ITGA9: variants seen among roughly 807,000 people sequenced by gnomAD.
The protein encoded by ITGA9 is integrin subunit alpha 9.
Under a neutral mutation model 127.8 loss-of-function variants are expected in ITGA9, and 56 were observed. The observed-to-expected ratio is 0.44, with a 90% CI of 0.35 to 0.55. ITGA9 has a LOEUF of 0.55. ITGA9 is among the 20% of genes least tolerant of loss of function. The pLI is 0.00. For missense variants in ITGA9, 1,196 were observed against 1,347.1 expected (o/e 0.89, Z 1.76); for synonymous variants, 508 against 514.5 (o/e 0.99, Z 0.17).
intron 15 of ITGA9, among the ~76,000 whole-genome samples, chr3:37,582,012 G>T (rs1477281637): frequency 1.3e-5 from 2 of 152,110 alleles, no homozygotes; most frequent in Non-Finnish European, 2.9e-5. Flanking sequence ...AATCAGTTTG[G>T]TGGCAAAATC....
intron 12 of ITGA9, among the ~76,000 whole-genome samples, chr3:37,524,170 G>A (rs1699071223): frequency 6.6e-6 from 1 of 152,190 alleles, no homozygotes; most frequent in African/African-American, 2.4e-5. Context: ...AAAGATACAT[G>A]ATTTCAAACC....
chr3:37,490,775 C>T (rs1698661733), intron 4 of ITGA9, among the ~76,000 whole-genome samples: 1 of 152,074 alleles, frequency 6.6e-6, no homozygotes, highest in Admixed American at 6.6e-5. Context: ...AAACCAGCAG[C>T]TAAACCAAGG....
intron 16 of ITGA9, among the ~76,000 whole-genome samples, chr3:37,652,406 C>T (rs992330023): frequency 2.6e-5 from 4 of 152,202 alleles, no homozygotes; most frequent in African/African-American, 9.6e-5. Flanking sequence ...CTCTCCTTGA[C>T]CCCAGTAGTG....
intron 23 of ITGA9, among the ~76,000 whole-genome samples, chr3:37,752,643 C>A (rs1377591916): frequency 6.6e-6 from 1 of 152,194 alleles, no homozygotes; most frequent in Non-Finnish European, 1.5e-5. Context: ...GCCCTATGGG[C>A]CCTGGGCTGT....
intron 16 of ITGA9, among the ~76,000 whole-genome samples, chr3:37,635,681 C>A (rs1381113400): frequency 2.0e-5 from 3 of 151,282 alleles, no homozygotes; most frequent in African/African-American, 7.3e-5. Context: ...GCACAACGTG[C>A]AGGTTTGTTA....
intron 7 of ITGA9, among the ~76,000 whole-genome samples, chr3:37,506,392 A>G (rs1342673058): frequency 6.6e-6 from 1 of 152,184 alleles, no homozygotes; most frequent in African/African-American, 2.4e-5. Flanking sequence ...CTTCAAAAGA[A>G]TGGCATTTAG....
At chr3:37,543,619 C>T (rs1210310106) in intron 15 of ITGA9, among the ~76,000 whole-genome samples, 1 of 152,158 alleles carries the variant, frequency 6.6e-6, no homozygotes, top group South Asian at 2.1e-4. Flanking sequence ...TCATATAGCT[C>T]AACCCAATAT....
At chr3:37,581,021 C>A (rs529738222) in intron 15 of ITGA9, among the ~76,000 whole-genome samples, 2 of 152,230 alleles carry the variant, frequency 1.3e-5, no homozygotes, top group East Asian at 3.9e-4. Context: ...GAAGGAAAAC[C>A]CAGCGAGAGG....
intron 25 of ITGA9, among the ~76,000 whole-genome samples, chr3:37,780,546 A>G (rs1353500955): frequency 6.6e-6 from 1 of 152,036 alleles, no homozygotes; most frequent in Non-Finnish European, 1.5e-5. Flanking sequence ...ATATATATAT[A>G]TATACCACAT....
chr3:37,593,935 TGGCATGACTCA>T (rs148944165), intron 15 of ITGA9, among the ~76,000 whole-genome samples: 96,205 of 151,720 alleles, frequency 0.63, 30,838 homozygotes, highest in East Asian at 0.73. Context: ...GGCTCGAAAC[TGGCATGACTCA>T]GGAGTCTGAC....
At chr3:37,784,170 C>T (rs1411173804) in intron 25 of ITGA9, among the ~76,000 whole-genome samples, 3 of 152,200 alleles carry the variant, frequency 2.0e-5, no homozygotes, top group Non-Finnish European at 4.4e-5. Context: ...CCAGGCTGCC[C>T]TTCTGCTCCA....
At chr3:37,614,680 C>T (rs2125627748) in intron 15 of ITGA9, among the ~76,000 whole-genome samples, 1 of 152,240 alleles carries the variant, frequency 6.6e-6, no homozygotes, top group East Asian at 1.9e-4. Flanking sequence ...AGGTCCTTCA[C>T]ATCCCTTGTA....
intron 15 of ITGA9, among the ~76,000 whole-genome samples, chr3:37,560,374 C>A (rs549390819): frequency 6.6e-6 from 1 of 152,300 alleles, no homozygotes; most frequent in South Asian, 2.1e-4. Context: ...GGATTGGTTC[C>A]AAGTCTTTGC....
Position 37,452,683 on chromosome 3 carries a change from C to G in ITGA9, c.185+124C>G, listed in dbSNP as rs1698208218. ...CGTCCCGAGGGGGCGATTTAAATGTCTCCGTTGCGCGCGGCTCGGCCGCCG... is the reference window on the plus strand; with the variant it reads ...CGTCCCGAGGGGGCGATTTAAATGTGTCCGTTGCGCGCGGCTCGGCCGCCG... On this transcript the variant is annotated intron_variant, in intron 1 of 27. Coordinates refer to ENST00000264741, the MANE Select transcript of ITGA9 (RefSeq NM_002207.3). The surrounding 1 kb of genome is among the most constrained non-coding windows in gnomAD (Gnocchi z 7.3). 4.8e-6 allele frequency: 4 copies of G among 836,948 alleles called. No homozygotes were observed. The highest frequency in any genetic ancestry group is 5.0e-6 in the Non-Finnish European group (3 of 601,938). 51.8% of individuals were successfully genotyped at this position (836,948 alleles called of 1,614,324 possible).
rs961207726 is a variant in ITGA9, at chr3:37,816,212, T to G, written c.3010-2679T>G. The stretch of plus-strand genomic sequence containing the variant: ...TACCAAGGACAGGTGAGATGCTGAG[T>G]ACTGGGGATTGAAAGCACAAAGCCT... On this transcript the variant is annotated intron_variant, in intron 27 of 27. Transcript: ENST00000264741. Among the ~76,000 whole-genome samples, 7 of 152,062 alleles carry G rather than the reference T, an allele frequency of 4.6e-5. No individual in the cohort carries two copies. The South Asian group carries it at 1.5e-3, about 32-fold the overall frequency.
intron 23 of ITGA9, among the ~76,000 whole-genome samples, chr3:37,769,816 A>G (rs1440327431): frequency 2.0e-5 from 3 of 152,162 alleles, no homozygotes; most frequent in African/African-American, 7.2e-5. Context: ...AGAAATTTGT[A>G]GACAAGATTT....
rs982520194 is a variant in ITGA9, at chr3:37,599,681, C to G, written c.1690-29506C>G. On this transcript the variant is annotated intron_variant, in intron 15 of 27. Coordinates refer to ENST00000264741, the MANE Select transcript of ITGA9 (RefSeq NM_002207.3). ...GGGCTTTGGAGTCCCATGGGGCTCT[C>G]AAGCCATGATTCTTTACTTAACCTT... 5.4e-4 allele frequency among the ~76,000 whole-genome samples: 82 copies of G among 152,020 alleles called. 2 individuals are homozygous for G. The highest frequency in any genetic ancestry group is 3.3e-4 in the Admixed American group (5 of 15,264).
At chr3:37,538,086 T>G (rs75469174) in intron 14 of ITGA9, among the ~76,000 whole-genome samples, 7,767 of 152,278 alleles carry the variant, frequency 0.051, 267 homozygotes, top group East Asian at 0.094. Flanking sequence ...CTGGCAGTTC[T>G]GGGCTTTCAC....
Position 37,503,296 on chromosome 3 carries a change from A to T in ITGA9, c.731A>T (p.Tyr244Phe). 1.9e-6 allele frequency: 3 copies of T among 1,614,144 alleles called. No individual in the cohort carries two copies. Among genetic ancestry groups the T allele is most frequent in the Non-Finnish European group, 2.5e-6 (3 of 1,179,986 alleles). The stretch of plus-strand genomic sequence containing the variant: ...GACGAAGTGATCATGAACAGGCGGT[A>T]CACCTACCTGGGTGAGTACTCAGGG... ...LNDEVIMNRR[Y>F]TYLGYAVTAG... Residue 244 changes from tyrosine (Y) to phenylalanine (F), a missense_variant, in exon 6 of 28, where the codon TAC (tyrosine) becomes TTC (phenylalanine). Tyr to Phe is a conservative substitution (Grantham distance 22). Coordinates refer to ENST00000264741, the MANE Select transcript of ITGA9 (RefSeq NM_002207.3).
Sources: gnomAD v4.1 joint callset for allele counts (sites outside exome capture counted in the v4.1 genomes callset) on GRCh38, gnomAD v4.1.1 for gene constraint, Gnocchi (gnomAD v3.1) non-coding constraint, MANE v1.5 for transcripts, NCBI Gene and HGNC (gene_info 2026-07-23, HGNC 2026-07-21) for gene names.